Variants in PLAGL1 observed in about 807,000 individuals in gnomAD.
PLAGL1 encodes zinc finger protein PLAGL1.
In PLAGL1, 1 loss-of-function variant was observed where a neutral mutation model predicts 4.6. The observed-to-expected ratio is 0.22, with a 90% confidence interval of 0.08 to 1.03. The LOEUF (loss-of-function observed/expected upper bound fraction) is 1.03, where lower values mean the gene tolerates loss of function less well. Ranked by LOEUF, PLAGL1 falls within the 50% of genes least tolerant of loss-of-function variation. PLAGL1 has a pLI of 0.58. For missense variants in PLAGL1, 464 were observed against 570.4 expected (o/e 0.81, Z 1.90); for synonymous variants, 240 against 237.8 (o/e 1.01, Z -0.08).
chr6:144,038,963 A>T (rs540232383), intron 1 of PLAGL1, among the ~76,000 whole-genome samples: 3 of 152,216 alleles, frequency 2.0e-5, no homozygotes, highest in Non-Finnish European at 4.4e-5. Context: ...TATCTCAGTA[A>T]GTTGTTTTTT....
At position 144,055,023 on chromosome 6, in the gene PLAGL1, C is replaced by A. The variant is rs1321005600; in HGVS notation, c.-151+9445G>T. Reference sequence around the variant, plus strand: ...CGAGGAAAATGCATTAACCCAGCACCTTTTCAACATGAATTGTCATAATAA... The same window carrying A: ...CGAGGAAAATGCATTAACCCAGCACATTTTCAACATGAATTGTCATAATAA... On this transcript the variant is annotated intron_variant, in intron 1 of 3. Coordinates refer to the PLAGL1 transcript ENST00000437412. The surrounding 1 kb of genome is among the most constrained non-coding windows in gnomAD (Gnocchi z 5.0). 1.3e-5 allele frequency among the ~76,000 whole-genome samples: 2 copies of A among 152,066 alleles called. No homozygotes were observed. The highest frequency in any genetic ancestry group is 2.9e-5 in the Non-Finnish European group (2 of 68,018).
At chr6:144,023,862 C>T (rs1304023386) in intron 1 of PLAGL1, among the ~76,000 whole-genome samples, 20 of 149,240 alleles carry the variant, frequency 1.3e-4, no homozygotes, top group Admixed American at 2.7e-4. Context: ...CTGCAACCTC[C>T]GCCTCCCAGG....
At chr6:144,043,340 A>G (rs1797882924) in intron 1 of PLAGL1, among the ~76,000 whole-genome samples, 1 of 152,180 alleles carries the variant, frequency 6.6e-6, no homozygotes, top group African/African-American at 2.4e-5. Context: ...TTATTTTGAG[A>G]TATGTCCCAT....
In PLAGL1 at chr6:143,963,991, AGAG is replaced by A. The variant is rs1466332699; in HGVS notation, c.-399+793_-399+795del. Among the ~76,000 whole-genome samples, 6 of 152,190 alleles carry A rather than the reference AGAG, an allele frequency of 3.9e-5. No individual in the cohort carries two copies. Among genetic ancestry groups the A allele is most frequent in the Non-Finnish European group, 8.8e-5 (6 of 68,036 alleles). ...GTCTTTGTTAACAATATCTAAACCC[AGAG>A]AAGAAATTCTGCTGGACTTCTGGGA... On this transcript the variant is annotated intron_variant, in intron 5 of 7. Coordinates refer to ENST00000674357, the MANE Select transcript of PLAGL1 (RefSeq NM_001317162.2). This position sits in a 1 kb window ranked among gnomAD's most constrained non-coding sequence, Gnocchi z 6.1.
chr6:143,980,573 C>G (rs982094927), intron 2 of PLAGL1, among the ~76,000 whole-genome samples: 2 of 152,110 alleles, frequency 1.3e-5, no homozygotes, highest in Non-Finnish European at 2.9e-5. Flanking sequence ...ATGCTTTCCA[C>G]TACCATCTTG....
At chr6:144,026,707 A>G (rs1471924209) in intron 1 of PLAGL1, among the ~76,000 whole-genome samples, 5 of 152,200 alleles carry the variant, frequency 3.3e-5, no homozygotes, top group Admixed American at 1.3e-4. Context: ...ATGTATTTTC[A>G]ATCTCTAGAT....
In PLAGL1 at chr6:143,950,624, A is replaced by G. The variant is rs1780851097; in HGVS notation, c.-324-2164T>C. 6.6e-6 allele frequency among the ~76,000 whole-genome samples: 1 copy of G among 152,208 alleles called. No individual in the cohort carries two copies. The highest frequency in any genetic ancestry group is 2.1e-4 in the South Asian group (1 of 4,826). On this transcript the variant is annotated intron_variant, in intron 6 of 7. Transcript: ENST00000674357. The surrounding 1 kb of genome is among the most constrained non-coding windows in gnomAD (Gnocchi z 6.3). ...TTTTTCTCATTCCCTTTATAGCTGA[A>G]CTCAAAATAGCACTCGTCCCACTCG...
At chr6:144,057,644 T>C (rs1799073812) in intron 1 of PLAGL1, among the ~76,000 whole-genome samples, 1 of 152,210 alleles carries the variant, frequency 6.6e-6, no homozygotes, top group African/African-American at 2.4e-5. Context: ...GCCACACCCA[T>C]TAGCTTCATC....
chr6:144,042,030 G>A (rs1307288472), intron 1 of PLAGL1, among the ~76,000 whole-genome samples: 2 of 150,016 alleles, frequency 1.3e-5, no homozygotes, highest in Non-Finnish European at 3.0e-5. Context: ...TGATGGGGTT[G>A]TTTTTTTCTT....
At chr6:143,974,356 C>T (rs569908708) in intron 2 of PLAGL1, among the ~76,000 whole-genome samples, 4 of 150,634 alleles carry the variant, frequency 2.7e-5, no homozygotes, top group South Asian at 2.1e-4. Context: ...AACCTTCCCA[C>T]GTGCCCACAG....
rs145386261 is a variant in PLAGL1, at chr6:143,941,673, G to T, written c.1143C>A (p.Ser381=). Residue 381 remains serine (S), a synonymous_variant, in exon 8 of 8, where the codon TCC becomes TCA. Transcript: ENST00000674357. The surrounding 1 kb of genome is among the most constrained non-coding windows in gnomAD (Gnocchi z 6.0). ...GCAGCTGCCAGAAGCCCAACAGGGGGGACAGGTCCAGAGAGGCAGGTATTG... is the reference window on the plus strand; with the variant it reads ...GCAGCTGCCAGAAGCCCAACAGGGGTGACAGGTCCAGAGAGGCAGGTATTG... The part of the protein sequence containing the change: ...NLTIPASLDL[S]PLLGFWQLPP... The T allele has an allele frequency of 3.7e-4, 591 of 1,614,232 alleles. No homozygotes were observed. Among genetic ancestry groups the T allele is most frequent in the Non-Finnish European group, 4.8e-4 (566 of 1,180,034 alleles).
rs568262829 is a variant in PLAGL1 at position 143,979,445 on chromosome 6, G to A, written c.-544+5690C>T. ...CTTTGTTCCTTTTCTTTCTTCTTTT[G>A]AATTGATTATTTTTCTCTAGTTTTA... On this transcript the variant is annotated intron_variant, in intron 2 of 7. Coordinates refer to ENST00000674357, the MANE Select transcript of PLAGL1 (RefSeq NM_001317162.2). This position sits in a 1 kb window ranked among gnomAD's most constrained non-coding sequence, Gnocchi z 4.6. Among the ~76,000 whole-genome samples the A allele has an allele frequency of 5.9e-4, 90 of 151,864 alleles. No homozygotes were observed. Among genetic ancestry groups the A allele is most frequent in the Non-Finnish European group, 1.1e-3 (76 of 67,858 alleles).
At chr6:144,046,791 C>G (rs183818454) in intron 1 of PLAGL1, among the ~76,000 whole-genome samples, 9 of 152,232 alleles carry the variant, frequency 5.9e-5, no homozygotes, top group Non-Finnish European at 1.2e-4. Context: ...TGCCCTGCCC[C>G]CAAAGGTGGA....
upstream of PLAGL1, among the ~76,000 whole-genome samples, chr6:144,009,192 T>C (rs1195192516): frequency 1.3e-5 from 2 of 152,218 alleles, no homozygotes; most frequent in African/African-American, 2.4e-5. Context: ...TCAATTTCCA[T>C]TAGTTCTGTT....
At position 144,053,760 on chromosome 6, in the gene PLAGL1, C is replaced by G. The variant is rs759492661; in HGVS notation, c.-151+10708G>C. On this transcript the variant is annotated intron_variant, in intron 1 of 3. Coordinates refer to the PLAGL1 transcript ENST00000437412. This position sits in a 1 kb window ranked among gnomAD's most constrained non-coding sequence, Gnocchi z 4.0. ...ACTATGTCAGGCCAGTTACTGATCA[C>G]GGTATTCTTGCCCAGTGAACATAGT... Among the ~76,000 whole-genome samples, 1 of 152,280 alleles carries G rather than the reference C, an allele frequency of 6.6e-6. No individual in the cohort carries two copies. The highest frequency in any genetic ancestry group is 2.1e-4 in the South Asian group (1 of 4,830).
At chr6:143,992,221 A>T (rs1790637041) in intron 1 of PLAGL1, among the ~76,000 whole-genome samples, 1 of 152,212 alleles carries the variant, frequency 6.6e-6, no homozygotes, top group Non-Finnish European at 1.5e-5. Flanking sequence ...TAAAAAGTTG[A>T]TTACTGAGGA....
chr6:144,043,184 T>G (rs182163790), intron 1 of PLAGL1, among the ~76,000 whole-genome samples: 14 of 152,338 alleles, frequency 9.2e-5, no homozygotes, highest in Admixed American at 9.1e-4. Flanking sequence ...TTTGCCTGAT[T>G]GCCCTGGCCA....
At chr6:143,999,683 T>G (rs1049403530) in intron 1 of PLAGL1, among the ~76,000 whole-genome samples, 1 of 152,238 alleles carries the variant, frequency 6.6e-6, no homozygotes, top group Non-Finnish European at 1.5e-5. Flanking sequence ...ACAGTCACTT[T>G]ATGACTCATG....
At chr6:144,035,840 A>T (rs1362628893) in intron 1 of PLAGL1, among the ~76,000 whole-genome samples, 2 of 152,156 alleles carry the variant, frequency 1.3e-5, no homozygotes, top group Non-Finnish European at 2.9e-5. Context: ...GGTTGATGAG[A>T]AAAATGACAA....
Sources: allele counts gnomAD v4.1 joint callset (sites outside exome capture counted in the v4.1 genomes callset), GRCh38; gene constraint gnomAD v4.1.1; non-coding constraint Gnocchi (gnomAD v3.1); transcripts MANE v1.5; gene names NCBI Gene and HGNC (gene_info 2026-07-23, HGNC 2026-07-21).